The following TSHR variants were observed in gnomAD, a reference collection of about 807,000 sequenced individuals.
The protein encoded by TSHR is thyrotropin receptor.
A neutral mutation model predicts 64.1 loss-of-function variants in TSHR; 51 were observed. The ratio of observed to expected loss-of-function variants is 0.80; its 90% confidence interval spans 0.64 to 1.01. TSHR has a LOEUF of 1.01. Ranked by LOEUF, TSHR falls within the 50% of genes least tolerant of loss-of-function variation. TSHR has a pLI of 0.00. For synonymous variants in TSHR, 361 were observed against 361.9 expected, an observed-to-expected ratio of 1.00 and a Z score of 0.03; for missense variants, 877 against 942.8, an observed-to-expected ratio of 0.93 and a Z score of 0.91.
At chr14:81,125,844 G>A (rs1449466111) in intron 8 of TSHR, among the ~76,000 whole-genome samples, 1 of 151,926 alleles carries the variant, frequency 6.6e-6, no homozygotes, top group Non-Finnish European at 1.5e-5. Context: ...GGAAGCAACT[G>A]AAGTAGGTCA....
chr14:80,976,120 C>T (rs1443787495), intron 1 of TSHR, among the ~76,000 whole-genome samples: 1 of 152,168 alleles, frequency 6.6e-6, no homozygotes, highest in Non-Finnish European at 1.5e-5. Flanking sequence ...ACCGTGTTAG[C>T]CAGGATGGTC....
At chr14:81,015,498 T>C (rs1202506074) in intron 1 of TSHR, among the ~76,000 whole-genome samples, 1 of 152,196 alleles carries the variant, frequency 6.6e-6, no homozygotes, top group Non-Finnish European at 1.5e-5. Context: ...AAATTTTTAA[T>C]TTTTTAAATT....
intron 7 of TSHR, among the ~76,000 whole-genome samples, chr14:81,098,826 TAGAG>T (rs1392234238): frequency 2.5e-4 from 38 of 152,118 alleles, no homozygotes; most frequent in African/African-American, 8.9e-4. Context: ...AATGGTGGAT[TAGAG>T]AAAGAACCTG....
At chr14:81,017,030 A>T (rs761153988) in intron 1 of TSHR, among the ~76,000 whole-genome samples, 1 of 152,228 alleles carries the variant, frequency 6.6e-6, no homozygotes, top group Non-Finnish European at 1.5e-5. Context: ...TGAGGAAATA[A>T]ACAGAACATA....
chr14:81,127,402 C>A (rs1891060326), intron 8 of TSHR, among the ~76,000 whole-genome samples: 1 of 152,016 alleles, frequency 6.6e-6, no homozygotes, highest in Non-Finnish European at 1.5e-5. Context: ...TGAGCCTGAC[C>A]CTTTTGCCAG....
At chr14:80,976,118 A>T (rs1887859269) in intron 1 of TSHR, among the ~76,000 whole-genome samples, 1 of 152,286 alleles carries the variant, frequency 6.6e-6, no homozygotes, top group African/African-American at 2.4e-5. Flanking sequence ...TCACCGTGTT[A>T]GCCAGGATGG....
intron 1 of TSHR, among the ~76,000 whole-genome samples, chr14:81,036,783 C>T (rs1358636942): frequency 6.6e-6 from 1 of 152,120 alleles, no homozygotes; most frequent in African/African-American, 2.4e-5. Context: ...ATTACTATAG[C>T]TACAACAAGT....
chr14:80,983,318 T>A (rs932309077), intron 1 of TSHR: 105 of 1,104,038 alleles, frequency 9.5e-5, no homozygotes, highest in Admixed American at 6.4e-4. Flanking sequence ...ATCACTACAT[T>A]GTTGCCGGTG....
chr14:81,094,173 A>G (rs1386925069), intron 6 of TSHR: 1 of 152,244 alleles, frequency 6.6e-6, no homozygotes, highest in Non-Finnish European at 1.5e-5. Flanking sequence ...TCAAAAAACT[A>G]TCAACTTGAA....
At chr14:81,092,379 C>T in intron 5 of TSHR, 152 bp from the exon 6 acceptor site, 2 of 748,266 alleles carry the variant, frequency 2.7e-6, no homozygotes, top group Non-Finnish European at 4.6e-6. Context: ...GACCTCTGAG[C>T]CACTAGCGGT....
At chr14:80,967,459 A>G (rs572977682) in intron 1 of TSHR, among the ~76,000 whole-genome samples, 95 of 151,794 alleles carry the variant, frequency 6.3e-4, no homozygotes, top group African/African-American at 2.2e-3. Flanking sequence ...TTATTTTTGT[A>G]TTTTTAGTAT....
In TSHR at chr14:81,087,975, C is replaced by T; in HGVS notation, c.339C>T (p.Asn113=). The T allele has an allele frequency of 1.9e-6, 3 of 1,613,870 alleles. No homozygotes were observed. Among genetic ancestry groups the T allele is most frequent in the East Asian group, 2.2e-5 (1 of 44,878 alleles). ...VTHIEIRNTR[N]LTYIDPDALK... ...ACAGAGAAATTCGGAATACCAGGAA[C>T]TTAACTTACATAGACCCTGATGCCC... Residue 113 remains asparagine, a synonymous_variant, in exon 4 of 10, where the codon AAC becomes AAT. Transcript: ENST00000298171.
intron 7 of TSHR, among the ~76,000 whole-genome samples, chr14:81,105,507 T>A (rs1595122187): frequency 6.6e-6 from 1 of 152,176 alleles, no homozygotes; most frequent in Non-Finnish European, 1.5e-5. Flanking sequence ...TCTCCTGAAG[T>A]GTCAGTTCAT....
intron 1 of TSHR, among the ~76,000 whole-genome samples, chr14:80,974,717 G>T (rs1388364995): frequency 7.2e-5 from 11 of 152,164 alleles, no homozygotes; most frequent in Admixed American, 7.2e-4. Flanking sequence ...GCACTTTATA[G>T]AAAGTATGTA....
Position 80,955,937 on chromosome 14 carries a change from A to G in TSHR, c.170+87A>G, listed in dbSNP as rs866096583. 29 of 1,522,520 alleles carry G rather than the reference A, an allele frequency of 1.9e-5. No individual in the cohort carries two copies. In the Middle Eastern group the frequency reaches 1.5e-3, roughly 81 times the overall value. The allele number at this position is 1,522,520 out of a possible 1,614,324, so 94.3% of individuals were successfully genotyped here. On this transcript the variant is annotated intron_variant, in intron 1 of 9. Transcript: ENST00000298171. ...CGAAGTGCACAAAAGCAGCTCAATA[A>G]CAGCCCGAAGTAGTGTGTGAGTGTG...
intron 1 of TSHR, chr14:80,995,031 T>A (rs1261736314): frequency 1.5e-4 from 23 of 152,086 alleles, no homozygotes; most frequent in Admixed American, 1.5e-3. Context: ...TATAATGGAC[T>A]TAAATTTACA....
chr14:81,047,642 G>A (rs1202936279), intron 1 of TSHR, among the ~76,000 whole-genome samples: 3 of 149,882 alleles, frequency 2.0e-5, no homozygotes, highest in African/African-American at 7.3e-5. Context: ...CTGGACAGAT[G>A]ACACATGTTT....
chr14:81,047,038 A>G (rs1885198698), intron 1 of TSHR, among the ~76,000 whole-genome samples: 1 of 152,194 alleles, frequency 6.6e-6, no homozygotes, highest in Non-Finnish European at 1.5e-5. Context: ...TTTCCACCAG[A>G]CCTGTACTAA....
intron 3 of TSHR, among the ~76,000 whole-genome samples, chr14:81,069,673 C>T (rs1374034874): frequency 6.6e-6 from 1 of 152,016 alleles, no homozygotes; most frequent in Non-Finnish European, 1.5e-5. Context: ...GTAAACAATC[C>T]AGGATTTTGG....
Sources: allele counts gnomAD v4.1 joint callset (sites outside exome capture counted in the v4.1 genomes callset), GRCh38; gene constraint gnomAD v4.1.1; transcripts MANE v1.5; gene names NCBI Gene and HGNC (gene_info 2026-07-23, HGNC 2026-07-21).